LYRM4: variants seen among roughly 807,000 people sequenced by gnomAD.
LYRM4 encodes the protein LYR motif containing 4.
LYRM4 carries 9 observed loss-of-function variants against 11.7 expected under a neutral mutation model. The ratio of observed to expected loss-of-function variants is 0.77; its 90% CI spans 0.46 to 1.34. The LOEUF is 1.34. Ranked by LOEUF, LYRM4 falls within the 40% of genes most tolerant of loss-of-function variation. The probability of loss-of-function intolerance (pLI) is 0.00; values close to 1 mark genes in which losing one functional copy is unlikely to be tolerated. For missense variants in LYRM4, 133 were observed against 112.5 expected (o/e 1.18, Z -0.82); for synonymous variants, 42 against 40.4 (o/e 1.04, Z -0.15).
chr6:5,066,654 G>A, the LYRM4 span: 1 of 1,164,304 alleles, frequency 8.6e-7, no homozygotes, highest in Non-Finnish European at 1.3e-6. Context: ...TAATGCCTGA[G>A]TCAGGATTCC....
chr6:5,245,123 T>A (rs867367929), intron 1 of LYRM4, among the ~76,000 whole-genome samples: 372 of 32,128 alleles, frequency 0.012, 5 homozygotes, highest in Non-Finnish European at 0.015. Flanking sequence ...AATATATATA[T>A]ATATATATAT....
At chr6:5,096,390 T>C in the LYRM4 span, among the ~76,000 whole-genome samples, 3 of 152,250 alleles carry the variant, frequency 2.0e-5, no homozygotes, top group African/African-American at 7.2e-5. Context: ...CTTGAGAGGC[T>C]GAGGTAGGAG....
chr6:5,154,791 C>G (rs1758305825), intron 2 of LYRM4, among the ~76,000 whole-genome samples: 1 of 151,982 alleles, frequency 6.6e-6, no homozygotes, highest in Non-Finnish European at 1.5e-5. Context: ...TGCACTCCAG[C>G]CTGGGCGACA....
the LYRM4 span, chr6:5,085,379 G>C: frequency 2.5e-6 from 2 of 800,020 alleles, no homozygotes; most frequent in Non-Finnish European, 3.8e-6. Context: ...GCCTCGGGGA[G>C]GGCGAGCCTG....
intron 1 of LYRM4, among the ~76,000 whole-genome samples, chr6:5,242,963 C>T (rs966524883): frequency 6.6e-6 from 1 of 151,028 alleles, no homozygotes; most frequent in Non-Finnish European, 1.5e-5. Flanking sequence ...TTAGTAGAGA[C>T]GGGGTTTCAC....
chr6:5,157,862 G>A (rs1478283468), intron 2 of LYRM4, among the ~76,000 whole-genome samples: 1 of 152,206 alleles, frequency 6.6e-6, no homozygotes, highest in African/African-American at 2.4e-5. Context: ...TTTTCATCAA[G>A]CCTGTAGGCG....
At chr6:5,167,233 T>C (rs2127662200) in intron 2 of LYRM4, among the ~76,000 whole-genome samples, 1 of 152,342 alleles carries the variant, frequency 6.6e-6, no homozygotes, top group Non-Finnish European at 1.5e-5. Context: ...GATAAAATTT[T>C]TAAAAGCACA....
rs190624317 is a variant in LYRM4 at position 5,205,217 on chromosome 6, G to C, written c.207+11401C>G. 1.2e-4 allele frequency among the ~76,000 whole-genome samples: 18 copies of C among 152,278 alleles called. No individual in the cohort carries two copies. The East Asian group carries it at 3.3e-3, about 28-fold the overall frequency. On this transcript the variant is annotated intron_variant, in intron 2 of 2. Coordinates refer to ENST00000330636, the MANE Select transcript of LYRM4 (RefSeq NM_020408.6). Reference sequence around the variant, plus strand: ...TGGTCCAGAGAACAATGAGATTGCAGCAGGAAGAAAGGGGCAGGAAGGTCA... The same window carrying C: ...TGGTCCAGAGAACAATGAGATTGCACCAGGAAGAAAGGGGCAGGAAGGTCA...
chr6:5,162,013 A>G (rs76019203), intron 2 of LYRM4, among the ~76,000 whole-genome samples: 1 of 152,152 alleles, frequency 6.6e-6, no homozygotes, highest in African/African-American at 2.4e-5. Context: ...GATTTACAAC[A>G]ACCCCCAGAA....
At chr6:5,050,016 T>C in the LYRM4 span, among the ~76,000 whole-genome samples, 1 of 152,254 alleles carries the variant, frequency 6.6e-6, no homozygotes, top group South Asian at 2.1e-4. Flanking sequence ...TTTTCAGCCA[T>C]AGACATCCAA....
At chr6:5,107,001 T>C (rs527846376), downstream of LYRM4, 1 of 152,388 alleles carries the variant, frequency 6.6e-6, no homozygotes, top group African/African-American at 2.4e-5. Context: ...CTAGCATCAA[T>C]ATTGGGTCAT....
chr6:5,071,363 A>T, the LYRM4 span, among the ~76,000 whole-genome samples: 2 of 152,090 alleles, frequency 1.3e-5, no homozygotes, highest in Non-Finnish European at 2.9e-5. Context: ...AAACCACACT[A>T]AATTAAACTT....
the LYRM4 span, among the ~76,000 whole-genome samples, chr6:5,071,560 G>A: frequency 1.2e-4 from 18 of 151,110 alleles, no homozygotes; most frequent in African/African-American, 2.5e-4. Context: ...GTGTGTGTGT[G>A]TATATGTATA....
the LYRM4 span, among the ~76,000 whole-genome samples, chr6:5,051,570 C>G: frequency 6.6e-6 from 1 of 152,096 alleles, no homozygotes; most frequent in Non-Finnish European, 1.5e-5. Flanking sequence ...AAGTGTTGAC[C>G]AAGAATGTTA....
rs571436812 is a variant in LYRM4, at chr6:5,230,731, A to G, written c.87-13993T>C. On this transcript the variant is annotated intron_variant, in intron 1 of 2. Transcript: ENST00000330636. The stretch of plus-strand genomic sequence containing the variant: ...CTTCCTTAAAATTTCCTATGGAAAT[A>G]GGAAATAGGAGTCAAATAAAATGAC... Among the ~76,000 whole-genome samples the G allele has an allele frequency of 1.1e-4, 17 of 152,326 alleles. No homozygotes were observed. The South Asian group carries it at 3.5e-3, about 32-fold the overall frequency.
chr6:5,148,518 G>GGGGGCAGAGTTAGAACTCTGAATC (rs1321881105), intron 2 of LYRM4, among the ~76,000 whole-genome samples: 1 of 54,384 alleles, frequency 1.8e-5, no homozygotes, highest in Non-Finnish European at 3.9e-5. Flanking sequence ...AGCTGGGCTG[G>GGGGGCAGAGTTAGAACTCTGAATC]GTATACGCCT....
chr6:5,186,671 G>A, intron 2 of LYRM4: 2 of 985,358 alleles, frequency 2.0e-6, no homozygotes, highest in Non-Finnish European at 2.4e-6. Flanking sequence ...ACAATGAAGT[G>A]AAATGTAACT....
chr6:5,252,070 G>C (rs541421394), intron 1 of LYRM4, among the ~76,000 whole-genome samples: 1 of 152,174 alleles, frequency 6.6e-6, no homozygotes, highest in East Asian at 1.9e-4. Flanking sequence ...GAGACCTGAC[G>C]TTGATCAGCA....
the LYRM4 span, chr6:5,085,584 C>T: frequency 6.5e-7 from 1 of 1,545,720 alleles, no homozygotes; most frequent in Non-Finnish European, 8.7e-7. Flanking sequence ...CGGTGGTCCC[C>T]TGTGTGCAGG....
Sources: gnomAD v4.1 joint callset for allele counts (sites outside exome capture counted in the v4.1 genomes callset) on GRCh38, gnomAD v4.1.1 for gene constraint, MANE v1.5 for transcripts, NCBI Gene and HGNC (gene_info 2026-07-23, HGNC 2026-07-21) for gene names.